Variants in GTSE1 observed in about 807,000 individuals in gnomAD.
GTSE1 encodes the protein G2 and S phase-expressed protein 1.
In GTSE1, 52 loss-of-function variants were observed where a neutral mutation model predicts 60.5. The observed-to-expected ratio is 0.86, with a 90% CI of 0.69 to 1.08. The LOEUF (loss-of-function observed/expected upper bound fraction) is 1.08, where lower values mean the gene tolerates loss of function less well. Ranked by LOEUF, GTSE1 falls within the 50% of genes least tolerant of loss-of-function variation. The probability of loss-of-function intolerance (pLI) is 0.00; values close to 1 mark genes in which losing one functional copy is unlikely to be tolerated. For missense variants in GTSE1, 937 were observed against 961.8 expected (o/e 0.97, Z 0.34); for synonymous variants, 368 against 386.5 (o/e 0.95, Z 0.56).
chr22:46,300,033 G>A (rs2077680655), intron 2 of GTSE1, among the ~76,000 whole-genome samples: 2 of 142,690 alleles, frequency 1.4e-5, no homozygotes, highest in African/African-American at 2.6e-5. Context: ...TCAATCTCCT[G>A]ACCTCGTGAT....
rs1232624020 is a variant in GTSE1 at position 46,320,336 on chromosome 22, G to T, written c.1433-2854G>T. On this transcript the variant is annotated intron_variant, in intron 7 of 11. Coordinates refer to ENST00000454366, the MANE Select transcript of GTSE1 (RefSeq NM_016426.7). This position sits in a 1 kb window ranked among gnomAD's most constrained non-coding sequence, Gnocchi z 7.1. ...AGGCGGTTCCTCCTCTCTCCACAATGCTGGGAACAGGACTGTCTCTTGCAC... is the reference window on the plus strand; with the variant it reads ...AGGCGGTTCCTCCTCTCTCCACAATTCTGGGAACAGGACTGTCTCTTGCAC... 6.6e-6 allele frequency among the ~76,000 whole-genome samples: 1 copy of T among 152,214 alleles called. No homozygotes were observed. Among genetic ancestry groups the T allele is most frequent in the Non-Finnish European group, 1.5e-5 (1 of 68,052 alleles).
intron 9 of GTSE1, chr22:46,327,165 G>A (rs1347080252): frequency 6.6e-6 from 1 of 152,174 alleles, no homozygotes; most frequent in Non-Finnish European, 1.5e-5. Context: ...TTGCCCCGTT[G>A]CACTCCAGCC....
In GTSE1 at chr22:46,314,306, A is replaced by G. The variant is rs1168499199; in HGVS notation, c.1051+293A>G. ...GAACATGGACACTGGAATCACCCTC[A>G]TGTCCATGTCATGAGACACCAGTTT... On this transcript the variant is annotated intron_variant, in intron 6 of 11. Coordinates refer to ENST00000454366, the MANE Select transcript of GTSE1 (RefSeq NM_016426.7). This position sits in a 1 kb window ranked among gnomAD's most constrained non-coding sequence, Gnocchi z 7.1. Among the ~76,000 whole-genome samples, 1 of 152,196 alleles carries G rather than the reference A, an allele frequency of 6.6e-6. No individual in the cohort carries two copies. Among genetic ancestry groups the G allele is most frequent in the East Asian group, 1.9e-4 (1 of 5,196 alleles).
In GTSE1 at chr22:46,324,721, A is replaced by AGG. The variant is rs962824134; in HGVS notation, c.1505+1461_1505+1462dup. The stretch of plus-strand genomic sequence containing the variant: ...TGGGGCTGCCAGAACTTAGCAATAA[A>AGG]GGGAGGAGGGTGGGGAATCCTAGAA... On this transcript the variant is annotated intron_variant, in intron 8 of 11. Coordinates refer to ENST00000454366, the MANE Select transcript of GTSE1 (RefSeq NM_016426.7). The surrounding 1 kb of genome is among the most constrained non-coding windows in gnomAD (Gnocchi z 5.2). Among the ~76,000 whole-genome samples, 26 of 152,160 alleles carry AGG rather than the reference A, an allele frequency of 1.7e-4. No individual in the cohort carries two copies. Among genetic ancestry groups the AGG allele is most frequent in the Admixed American group, 8.5e-4 (13 of 15,270 alleles).
Position 46,321,239 on chromosome 22 carries a change from G to A in GTSE1, c.1433-1951G>A, listed in dbSNP as rs148286098. Among the ~76,000 whole-genome samples the A allele has an allele frequency of 2.0e-5, 3 of 152,226 alleles. No individual in the cohort carries two copies. The highest frequency in any genetic ancestry group is 3.4e-3 in the Middle Eastern group (1 of 294). On this transcript the variant is annotated intron_variant, in intron 7 of 11. Coordinates refer to ENST00000454366, the MANE Select transcript of GTSE1 (RefSeq NM_016426.7). The surrounding 1 kb of genome is among the most constrained non-coding windows in gnomAD (Gnocchi z 4.0). ...AGCCTGGGCGACACAGTGAGACCCCGATTCTACAAAAACATTTAGCTGGGC... is the reference window on the plus strand; with the variant it reads ...AGCCTGGGCGACACAGTGAGACCCCAATTCTACAAAAACATTTAGCTGGGC...
intron 4 of GTSE1, among the ~76,000 whole-genome samples, chr22:46,311,741 G>C (rs764254352): frequency 2.0e-5 from 3 of 152,186 alleles, no homozygotes; most frequent in Non-Finnish European, 4.4e-5. Flanking sequence ...TATTGCAATT[G>C]AGCAGCTTCT....
At position 46,330,147 on chromosome 22, in the gene GTSE1, T is replaced by C; in HGVS notation, c.*17T>C. On this transcript the variant is annotated 3_prime_UTR_variant, in exon 12 of 12. Coordinates refer to ENST00000454366, the MANE Select transcript of GTSE1 (RefSeq NM_016426.7). This position sits in a 1 kb window ranked among gnomAD's most constrained non-coding sequence, Gnocchi z 6.0. ...AAGTTCTAAGCCGAACCAAATCCTT[T>C]GCCTTGAAAGAACAGCCCTAAAGTG... 1 of 1,523,556 alleles carries C rather than the reference T, an allele frequency of 6.6e-7. No individual in the cohort carries two copies. The highest frequency in any genetic ancestry group is 9.1e-7 in the Non-Finnish European group (1 of 1,097,224). 94.4% of individuals were successfully genotyped at this position (1,523,556 alleles called of 1,614,324 possible). A position where few individuals can be genotyped will look rare whatever the true frequency, so the allele number is the denominator to read the frequency against.
chr22:46,313,956 T>C lies in GTSE1; in HGVS notation c.994T>C (p.Ser332Pro). 1 of 1,614,230 alleles carries C rather than the reference T, an allele frequency of 6.2e-7. No individual in the cohort carries two copies. The highest frequency in any genetic ancestry group is 8.5e-7 in the Non-Finnish European group (1 of 1,180,030). ...CAGCAATCTCGCAAGGAAGTCCTCC[T>C]CGGGGCCTGTTTGGAGCGGGGCATC... ...STSNLARKSS[S>P]GPVWSGASSA... Residue 332 changes from serine (S) to proline (P), a missense_variant, in exon 6 of 12, where the codon TCG (serine) becomes CCG (proline). Transcript: ENST00000454366. The surrounding 1 kb of genome is among the most constrained non-coding windows in gnomAD (Gnocchi z 4.4).
At position 46,326,568 on chromosome 22, in the gene GTSE1, C is replaced by A. The variant is rs367865056; in HGVS notation, c.1638C>A (p.Pro546=). ...RRCSGLPPMT[P]KTMPRAVGSP... is the part of the protein sequence containing the mutation. The stretch of plus-strand genomic sequence containing the variant: ...GCTCTGGCCTTCCACCGATGACCCC[C>A]AAAACGATGCCCAGGGCCGTGGGCT... The change falls in exon 9 of 12, where the codon CCC becomes CCA. Residue 546 remains proline (P), a synonymous_variant. Transcript: ENST00000454366. The A allele has an allele frequency of 3.7e-5, 60 of 1,614,186 alleles. No homozygotes were observed. Among genetic ancestry groups the A allele is most frequent in the Non-Finnish European group, 5.0e-5 (59 of 1,180,016 alleles).
In GTSE1 at chr22:46,321,515, A is replaced by G. The variant is rs1009647942; in HGVS notation, c.1433-1675A>G. Reference sequence around the variant, plus strand: ...GCGCCTCTCCAGTGCTGGGGTGAACATGGAGGCCTGGTGAACGCACAGGTG... The same window carrying G: ...GCGCCTCTCCAGTGCTGGGGTGAACGTGGAGGCCTGGTGAACGCACAGGTG... On this transcript the variant is annotated intron_variant, in intron 7 of 11. Coordinates refer to ENST00000454366, the MANE Select transcript of GTSE1 (RefSeq NM_016426.7). This position sits in a 1 kb window ranked among gnomAD's most constrained non-coding sequence, Gnocchi z 4.0. 2.0e-5 allele frequency among the ~76,000 whole-genome samples: 3 copies of G among 152,204 alleles called. No homozygotes were observed. The highest frequency in any genetic ancestry group is 6.5e-5 in the Admixed American group (1 of 15,288).
chr22:46,309,559 C>G lies in GTSE1; in HGVS notation c.762+616C>G, dbSNP rs1460309852. ...CTGCAGCCCGTTCCCAGCTCTGCCC[C>G]CTCCCCTGGGCAGCACGTACAGAGG... On this transcript the variant is annotated intron_variant, in intron 4 of 11. Transcript: ENST00000454366. The surrounding 1 kb of genome is among the most constrained non-coding windows in gnomAD (Gnocchi z 6.2). Among the ~76,000 whole-genome samples the G allele has an allele frequency of 6.6e-6, 1 of 152,140 alleles. No individual in the cohort carries two copies. The highest frequency in any genetic ancestry group is 1.5e-5 in the Non-Finnish European group (1 of 68,016).
At position 46,297,366 on chromosome 22, in the gene GTSE1, G is replaced by T. The variant is rs747451467; in HGVS notation, c.-21-14G>T. 3.9e-5 allele frequency: 59 copies of T among 1,494,130 alleles called. No individual in the cohort carries two copies. Among genetic ancestry groups the T allele is most frequent in the Non-Finnish European group, 5.1e-5 (55 of 1,070,890 alleles). The allele number at this position is 1,494,130 out of a possible 1,614,324, so 92.6% of individuals were successfully genotyped here. A position where few individuals can be genotyped will look rare whatever the true frequency, so the allele number is the denominator to read the frequency against. ...TGACACGTACTCACTTTCTGGCCCC[G>T]TTCCACCCTGCAGTGACTTCTGACA... is the stretch of plus-strand genomic sequence containing the variant. On this transcript the variant is annotated splice_polypyrimidine_tract_variant and intron_variant, in intron 1 of 11. Coordinates refer to ENST00000454366, the MANE Select transcript of GTSE1 (RefSeq NM_016426.7). This position sits in a 1 kb window ranked among gnomAD's most constrained non-coding sequence, Gnocchi z 4.9.
Position 46,319,327 on chromosome 22 carries a change from C to T in GTSE1, c.1432+2915C>T, listed in dbSNP as rs1158825971. 6.6e-6 allele frequency among the ~76,000 whole-genome samples: 1 copy of T among 151,990 alleles called. No homozygotes were observed. The highest frequency in any genetic ancestry group is 2.1e-4 in the South Asian group (1 of 4,818). On this transcript the variant is annotated intron_variant, in intron 7 of 11. Transcript: ENST00000454366. The surrounding 1 kb of genome is among the most constrained non-coding windows in gnomAD (Gnocchi z 5.0). ...AGAGGGAAGAGCAGAGTCTCTGGGC[C>T]GAAGAGTGGTGGGGAGGGTAATGCG...
intron 2 of GTSE1, among the ~76,000 whole-genome samples, chr22:46,299,145 A>C (rs1055259110): frequency 5.9e-5 from 9 of 152,186 alleles, no homozygotes; most frequent in Non-Finnish European, 1.0e-4. Flanking sequence ...CCTTGCTTGG[A>C]GTCCAAGACG....
chr22:46,307,657 C>T (rs1333147970), intron 2 of GTSE1, among the ~76,000 whole-genome samples: 1 of 152,154 alleles, frequency 6.6e-6, no homozygotes, highest in Non-Finnish European at 1.5e-5. Context: ...TGTGCGCTAC[C>T]ATGCCTAGCC....
In GTSE1 at chr22:46,317,459, A is replaced by G. The variant is rs577238136; in HGVS notation, c.1432+1047A>G. 3.1e-4 allele frequency among the ~76,000 whole-genome samples: 47 copies of G among 152,264 alleles called. No individual in the cohort carries two copies. In the South Asian group the frequency reaches 8.7e-3, roughly 28 times the overall value. ...CAAATTGATAATGGTTTTAGGGTCT[A>G]CGATTCTTCTCATACCATCTTCCCC... On this transcript the variant is annotated intron_variant, in intron 7 of 11. Coordinates refer to ENST00000454366, the MANE Select transcript of GTSE1 (RefSeq NM_016426.7). This position sits in a 1 kb window ranked among gnomAD's most constrained non-coding sequence, Gnocchi z 5.6.
chr22:46,329,096 G>A lies in GTSE1; in HGVS notation c.1926+207G>A. 1.6e-6 allele frequency: 1 copy of A among 620,902 alleles called. No individual in the cohort carries two copies. The allele number at this position is 620,902 out of a possible 1,614,324, so 38.5% of individuals were successfully genotyped here. Reference sequence around the variant, plus strand: ...AAGCCCTGCATTTGACTAAGGCAAGGGTCAGGGATCAAAGCTGAGGAAGCG... The same window carrying A: ...AAGCCCTGCATTTGACTAAGGCAAGAGTCAGGGATCAAAGCTGAGGAAGCG... On this transcript the variant is annotated intron_variant, in intron 10 of 11. Coordinates refer to ENST00000454366, the MANE Select transcript of GTSE1 (RefSeq NM_016426.7). This position sits in a 1 kb window ranked among gnomAD's most constrained non-coding sequence, Gnocchi z 6.4.
intron 2 of GTSE1, among the ~76,000 whole-genome samples, chr22:46,302,440 T>C (rs780667238): frequency 7.2e-5 from 11 of 152,110 alleles, no homozygotes; most frequent in Non-Finnish European, 1.3e-4. Context: ...AGTGGCGAGA[T>C]TGTGGCTCAC....
chr22:46,321,404 T>C lies in GTSE1; in HGVS notation c.1433-1786T>C, dbSNP rs936049744. Among the ~76,000 whole-genome samples, 10 of 151,854 alleles carry C rather than the reference T, an allele frequency of 6.6e-5. No individual in the cohort carries two copies. The highest frequency in any genetic ancestry group is 2.4e-4 in the African/African-American group (10 of 41,346). ...GGGTGACAGAGCAAGACCTTGTTTCTTGTAAGAAAGAAAAGAAACAAACAA... is the reference window on the plus strand; with the variant it reads ...GGGTGACAGAGCAAGACCTTGTTTCCTGTAAGAAAGAAAAGAAACAAACAA... On this transcript the variant is annotated intron_variant, in intron 7 of 11. Transcript: ENST00000454366. The surrounding 1 kb of genome is among the most constrained non-coding windows in gnomAD (Gnocchi z 4.0).
Sources: allele counts gnomAD v4.1 joint callset (sites outside exome capture counted in the v4.1 genomes callset), GRCh38; gene constraint gnomAD v4.1.1; non-coding constraint Gnocchi (gnomAD v3.1); transcripts MANE v1.5; gene names NCBI Gene and HGNC (gene_info 2026-07-23, HGNC 2026-07-21).